RBFOX1: variants seen among roughly 807,000 people sequenced by gnomAD.
RBFOX1 encodes the protein RNA binding fox-1 homolog 1.
Under a neutral mutation model 57.7 loss-of-function variants are expected in RBFOX1, and 8 were observed. The ratio of observed to expected loss-of-function variants is 0.14; its 90% confidence interval spans 0.08 to 0.25. The LOEUF (loss-of-function observed/expected upper bound fraction) is 0.25. RBFOX1 is among the 10% of genes least tolerant of loss of function. The probability of loss-of-function intolerance (pLI) is 1.00; values close to 1 mark genes in which losing one functional copy is unlikely to be tolerated. For synonymous variants in RBFOX1, 326 were observed against 222.4 expected, an observed-to-expected ratio of 1.47 and a Z score of -4.15; for missense variants, 611 against 548.5, an observed-to-expected ratio of 1.11 and a Z score of -1.14.
chr16:5,398,684 G>C (rs114076459), intron 1 of RBFOX1, among the ~76,000 whole-genome samples: 6 of 152,246 alleles, frequency 3.9e-5, no homozygotes, highest in African/African-American at 1.4e-4. Flanking sequence ...AAGGTTGACA[G>C]TGGGGGAGGA....
chr16:6,944,674 C>T (rs2079154160), intron 3 of RBFOX1, among the ~76,000 whole-genome samples: 1 of 152,096 alleles, frequency 6.6e-6, no homozygotes. Flanking sequence ...AGTGCAGGAA[C>T]CTGGGCTGAT....
At chr16:6,582,329 A>G (rs1300879952) in intron 2 of RBFOX1, among the ~76,000 whole-genome samples, 1 of 152,184 alleles carries the variant, frequency 6.6e-6, no homozygotes, top group East Asian at 1.9e-4. Context: ...TGTACAACTT[A>G]TTTTCCAACA....
chr16:7,033,715 C>T (rs962555637), intron 3 of RBFOX1, among the ~76,000 whole-genome samples: 8 of 152,074 alleles, frequency 5.3e-5, no homozygotes, highest in East Asian at 3.9e-4. Flanking sequence ...ACATTTTGTC[C>T]GGGCGTGGCG....
intron 3 of RBFOX1, among the ~76,000 whole-genome samples, chr16:6,885,329 G>T (rs1242090390): frequency 6.6e-6 from 1 of 152,154 alleles, no homozygotes. Flanking sequence ...AGAAGCTCTA[G>T]GGTTTGGGTG....
At chr16:5,566,638 A>G (rs964949761) in intron 2 of RBFOX1, among the ~76,000 whole-genome samples, 3 of 146,710 alleles carry the variant, frequency 2.0e-5, no homozygotes, top group Non-Finnish European at 4.5e-5. Context: ...ATATGTGTAT[A>G]TGTGTGTATA....
At chr16:5,596,577 A>C (rs768085458) in intron 2 of RBFOX1, among the ~76,000 whole-genome samples, 2 of 152,148 alleles carry the variant, frequency 1.3e-5, no homozygotes, top group Non-Finnish European at 2.9e-5. Flanking sequence ...GCCCGTCTCA[A>C]AGAAAGGACC....
chr16:6,058,981 T>A (rs1322685704), intron 1 of RBFOX1, among the ~76,000 whole-genome samples: 1 of 152,214 alleles, frequency 6.6e-6, no homozygotes, highest in Non-Finnish European at 1.5e-5. Flanking sequence ...TCAGACTCTG[T>A]AGCTGGAAAA....
intron 1 of RBFOX1, among the ~76,000 whole-genome samples, chr16:6,044,486 G>GT (rs1190249383): frequency 1.8e-5 from 2 of 114,214 alleles, no homozygotes; most frequent in Admixed American, 9.1e-5. Context: ...CCTGTTTTAG[G>GT]TTAAAAAAAA....
intron 1 of RBFOX1, among the ~76,000 whole-genome samples, chr16:5,364,637 T>C (rs1237701342): frequency 1.3e-5 from 2 of 152,234 alleles, no homozygotes; most frequent in Non-Finnish European, 2.9e-5. Context: ...TTGGAACCCA[T>C]TCCTTTATGC....
chr16:7,241,775 T>G, intron 4 of RBFOX1, among the ~76,000 whole-genome samples: 1 of 152,106 alleles, frequency 6.6e-6, no homozygotes, highest in African/African-American at 2.4e-5. Flanking sequence ...CCCCTTCTTT[T>G]TCTCTTTCAA....
chr16:7,130,974 G>T (rs931449461), intron 4 of RBFOX1, among the ~76,000 whole-genome samples: 1 of 152,158 alleles, frequency 6.6e-6, no homozygotes, highest in African/African-American at 2.4e-5. Flanking sequence ...AAGGTGATCA[G>T]TTTTTCCATT....
chr16:7,344,536 G>A (rs1291585988), intron 4 of RBFOX1, among the ~76,000 whole-genome samples: 1 of 150,876 alleles, frequency 6.6e-6, no homozygotes, highest in Admixed American at 6.6e-5. Flanking sequence ...ATATCATTGT[G>A]TAATACTGTA....
intron 2 of RBFOX1, among the ~76,000 whole-genome samples, chr16:5,499,926 T>C (rs1487179770): frequency 6.6e-6 from 1 of 152,164 alleles, no homozygotes; most frequent in Non-Finnish European, 1.5e-5. Flanking sequence ...CACTCAACAT[T>C]TCAATTTTTC....
At chr16:6,953,017 C>T (rs1196060027) in intron 3 of RBFOX1, among the ~76,000 whole-genome samples, 1 of 152,044 alleles carries the variant, frequency 6.6e-6, no homozygotes, top group African/African-American at 2.4e-5. Flanking sequence ...ACATCTTTAC[C>T]TCACCTGGCA....
intron 9 of RBFOX1, among the ~76,000 whole-genome samples, chr16:7,599,640 TTTTTTTTTTTC>T (rs201020909): frequency 0.57 from 76,179 of 134,156 alleles, 25,363 homozygotes; most frequent in Non-Finnish European, 0.7. Flanking sequence ...AATAAAGACT[TTTTTTTTTTTC>T]TTTTTTTTTT....
chr16:6,532,238 AC>A (rs1181838810), intron 2 of RBFOX1, among the ~76,000 whole-genome samples: 1 of 152,158 alleles, frequency 6.6e-6, no homozygotes, highest in African/African-American at 2.4e-5. Context: ...GTATGGTCTT[AC>A]AAAGGCTGCA....
intron 3 of RBFOX1, among the ~76,000 whole-genome samples, chr16:6,993,650 G>C (rs999826107): frequency 6.6e-6 from 1 of 152,130 alleles, no homozygotes; most frequent in Admixed American, 6.6e-5. Flanking sequence ...TCTTCACTGT[G>C]ATTTGCACTA....
chr16:7,123,538 T>C (rs1260827079), intron 4 of RBFOX1, among the ~76,000 whole-genome samples: 2 of 152,060 alleles, frequency 1.3e-5, no homozygotes, highest in African/African-American at 4.8e-5. Flanking sequence ...CTAATTCTTT[T>C]AATTTTAGTA....
At chr16:6,500,279 A>G (rs1229282623) in intron 2 of RBFOX1, among the ~76,000 whole-genome samples, 1 of 152,194 alleles carries the variant, frequency 6.6e-6, no homozygotes, top group Non-Finnish European at 1.5e-5. Context: ...GAAGACCATC[A>G]TCTGTGTTCA....
Sources: allele counts gnomAD v4.1 joint callset (sites outside exome capture counted in the v4.1 genomes callset), GRCh38; gene constraint gnomAD v4.1.1; transcripts MANE v1.5; gene names NCBI Gene and HGNC (gene_info 2026-07-23, HGNC 2026-07-21).